Variants in EMSY observed in about 807,000 individuals in gnomAD.
EMSY encodes the protein BRCA2-interacting transcriptional repressor EMSY.
In EMSY, 26 loss-of-function variants were observed where a neutral mutation model predicts 134.6. The observed-to-expected ratio is 0.19, with a 90% confidence interval of 0.14 to 0.27. The LOEUF is 0.27. Among genes scored for constraint, EMSY ranks in the 10% least tolerant of loss-of-function variants. The pLI is 1.00. For missense variants in EMSY, 1,305 were observed against 1,611.4 expected (o/e 0.81, Z 3.26); for synonymous variants, 579 against 577.8 (o/e 1.00, Z -0.03).
At chr11:76,498,627 G>C (rs1949739447) in intron 9 of EMSY, among the ~76,000 whole-genome samples, 1 of 151,560 alleles carries the variant, frequency 6.6e-6, no homozygotes, top group Admixed American at 6.6e-5. Context: ...AAATATAAAG[G>C]CTGATTTTAA....
intron 8 of EMSY, among the ~76,000 whole-genome samples, chr11:76,474,356 G>C (rs1307083849): frequency 1.3e-5 from 2 of 151,972 alleles, no homozygotes; most frequent in Non-Finnish European, 2.9e-5. Context: ...AATATAGAAG[G>C]GTACTTGGTA....
exon 8 of EMSY, chr11:76,472,648 C>T (rs1465042371): frequency 6.2e-7 from 1 of 1,614,184 alleles, no homozygotes. Context: ...AGTCACTAAG[C>T]TTGTACCAAC....
chr11:76,527,249 G>A (rs1444956747), intron 13 of EMSY, among the ~76,000 whole-genome samples: 2 of 151,948 alleles, frequency 1.3e-5, no homozygotes, highest in Non-Finnish European at 1.5e-5. Flanking sequence ...TAGAATTTTT[G>A]TAAGAGGTAT....
chr11:76,545,005 T>A, intron 19 of EMSY, 183 bp downstream of exon 20: 1 of 671,010 alleles, frequency 1.5e-6, no homozygotes, highest in Non-Finnish European at 2.5e-6. Context: ...ATGCACGCAT[T>A]AATATGTAGG....
At chr11:76,460,025 C>A in exon 6 of EMSY, 1 of 1,614,190 alleles carries the variant, frequency 6.2e-7, no homozygotes, top group South Asian at 1.1e-5. Flanking sequence ...GTCTCCAAGA[C>A]CTGCCAGTCC....
chr11:76,541,778 A>G (rs1258753477), intron 17 of EMSY, among the ~76,000 whole-genome samples: 1 of 152,254 alleles, frequency 6.6e-6, no homozygotes, highest in Non-Finnish European at 1.5e-5. Context: ...CCAAGAGATT[A>G]AAGAATGTGT....
chr11:76,544,947 T>A (rs1053652267), intron 19 of EMSY, 125 bp downstream of exon 20: 2 of 1,021,618 alleles, frequency 2.0e-6, no homozygotes, highest in Non-Finnish European at 2.8e-6. Context: ...AAAGCCTCAT[T>A]ACGCTGGTAT....
intron 4 of EMSY, among the ~76,000 whole-genome samples, chr11:76,457,128 AACTATCATCATT>A (rs1229468974): frequency 1.3e-5 from 2 of 152,006 alleles, no homozygotes; most frequent in African/African-American, 4.8e-5. Context: ...GCTTAATGAT[AACTATCATCATT>A]ACTATCATTA....
chr11:76,513,653 A>G (rs1950351907), intron 10 of EMSY, 118 bp downstream of exon 11: 1 of 1,120,462 alleles, frequency 8.9e-7, no homozygotes, highest in Non-Finnish European at 1.2e-6. Context: ...TTTTTCAAAG[A>G]GGCCTTTCTT....
chr11:76,479,339 A>G (rs61696910), intron 8 of EMSY, among the ~76,000 whole-genome samples: 20,681 of 152,196 alleles, frequency 0.14, 1,781 homozygotes, highest in East Asian at 0.28. Flanking sequence ...TTCCCAAGGG[A>G]AAAAAGACTC....
At chr11:76,514,247 A>G (rs760966053) in intron 10 of EMSY, among the ~76,000 whole-genome samples, 62 of 152,274 alleles carry the variant, frequency 4.1e-4, no homozygotes, top group African/African-American at 1.5e-3. Context: ...TCAGGTATGT[A>G]GAAAGTCCCC....
chr11:76,455,205 T>C (rs1947819825), intron 4 of EMSY, among the ~76,000 whole-genome samples: 1 of 152,190 alleles, frequency 6.6e-6, no homozygotes, highest in Non-Finnish European at 1.5e-5. Flanking sequence ...TCCTCTTTTT[T>C]CTCTCCTTTC....
chr11:76,523,622 C>A (rs1158426688), intron 12 of EMSY, among the ~76,000 whole-genome samples: 1 of 149,576 alleles, frequency 6.7e-6, no homozygotes, highest in African/African-American at 2.5e-5. Context: ...TCAATAGATA[C>A]TGACTTAGTA....
intron 9 of EMSY, among the ~76,000 whole-genome samples, chr11:76,506,412 T>C (rs762512848): frequency 1.3e-5 from 2 of 152,168 alleles, no homozygotes; most frequent in Non-Finnish European, 2.9e-5. Context: ...AAACAAATAG[T>C]GTTTTGCACA....
exon 21 of EMSY, chr11:76,550,895 C>T (rs1163503852): frequency 1.3e-5 from 2 of 152,514 alleles, no homozygotes; most frequent in Admixed American, 6.5e-5. Context: ...TTTCCACTGT[C>T]GTCGTCTCCC....
At chr11:76,527,972 A>G (rs1950902591) in intron 13 of EMSY, among the ~76,000 whole-genome samples, 1 of 151,964 alleles carries the variant, frequency 6.6e-6, no homozygotes, top group South Asian at 2.1e-4. Flanking sequence ...TCATTTTACT[A>G]TATAGTCTAC....
rs569728925 is a variant in EMSY, at chr11:76,492,397, C to T, written c.1109-3818C>T. 2.2e-4 allele frequency among the ~76,000 whole-genome samples: 34 copies of T among 152,184 alleles called. No homozygotes were observed. The South Asian group carries it at 2.5e-3, about 11-fold the overall frequency. ...TCTGAGGCAGGAGAATCGCTTGAACCGGGAGGCAGAGGTTGCAGTGAGTTG... is the reference window on the plus strand; with the variant it reads ...TCTGAGGCAGGAGAATCGCTTGAACTGGGAGGCAGAGGTTGCAGTGAGTTG... On this transcript the variant is annotated intron_variant, in intron 8 of 20. Transcript: ENST00000334736.
chr11:76,483,216 C>T (rs1269690063), intron 8 of EMSY, among the ~76,000 whole-genome samples: 1 of 152,152 alleles, frequency 6.6e-6, no homozygotes, highest in East Asian at 1.9e-4. Context: ...AGATTTTTGT[C>T]ACCACCAGGC....
intron 9 of EMSY, chr11:76,496,741 T>TTG (rs1565317520): frequency 4.5e-6 from 2 of 444,570 alleles, no homozygotes; most frequent in Non-Finnish European, 8.3e-6. Context: ...AGTATTGATC[T>TTG]TGTATCCTTT....
Sources: gnomAD v4.1 joint callset for allele counts (sites outside exome capture counted in the v4.1 genomes callset) on GRCh38, gnomAD v4.1.1 for gene constraint, MANE v1.5 for transcripts, NCBI Gene and HGNC (gene_info 2026-07-23, HGNC 2026-07-21) for gene names.